Variants in AATF observed in about 807,000 individuals in gnomAD.
AATF encodes the protein protein AATF.
Under a neutral mutation model 63.7 loss-of-function variants are expected in AATF, and 48 were observed. The ratio of observed to expected loss-of-function variants is 0.75; its 90% CI spans 0.60 to 0.96. The LOEUF is 0.96. AATF is among the 40% of genes least tolerant of loss of function. The pLI, the probability that AATF is intolerant of heterozygous loss-of-function variation, is 0.00. For missense variants in AATF, 639 were observed against 685.7 expected (o/e 0.93, Z 0.76); for synonymous variants, 258 against 247.7 (o/e 1.04, Z -0.39).
chr17:36,955,005 T>A (rs956130866), intron 4 of AATF, among the ~76,000 whole-genome samples: 2 of 152,194 alleles, frequency 1.3e-5, no homozygotes, highest in Non-Finnish European at 2.9e-5. Context: ...TATCTATCTC[T>A]CTATATATAT....
chr17:36,953,970 A>G, intron 4 of AATF, 63 bp downstream of exon 4: 1 of 1,515,972 alleles, frequency 6.6e-7, no homozygotes. Context: ...GACAGCTTTG[A>G]TTGAAGTGGA....
At chr17:37,026,994 T>G (rs964332665) in intron 10 of AATF, among the ~76,000 whole-genome samples, 1 of 152,214 alleles carries the variant, frequency 6.6e-6, no homozygotes, top group Non-Finnish European at 1.5e-5. Flanking sequence ...GTGATAGGGT[T>G]GTATATGTAA....
At chr17:37,005,003 G>T (rs2071331327) in intron 8 of AATF, among the ~76,000 whole-genome samples, 1 of 152,184 alleles carries the variant, frequency 6.6e-6, no homozygotes, top group East Asian at 1.9e-4. Context: ...AGTTTTGTTT[G>T]TTTTGGTAAG....
intron 8 of AATF, among the ~76,000 whole-genome samples, chr17:37,006,601 C>T (rs1396046993): frequency 2.0e-5 from 3 of 152,236 alleles, no homozygotes; most frequent in African/African-American, 7.2e-5. Flanking sequence ...CTTCACTCAT[C>T]AGGGCCTAAT....
At chr17:37,040,578 T>G (rs1030963449) in intron 11 of AATF, among the ~76,000 whole-genome samples, 5 of 152,066 alleles carry the variant, frequency 3.3e-5, no homozygotes, top group African/African-American at 1.2e-4. Flanking sequence ...GTGGAACAGG[T>G]GTGTGCATCT....
chr17:36,974,379 T>A (rs920279575), intron 4 of AATF, among the ~76,000 whole-genome samples: 1 of 152,202 alleles, frequency 6.6e-6, no homozygotes, highest in African/African-American at 2.4e-5. Flanking sequence ...TTTAACCAGT[T>A]CTTTATTGTT....
intron 10 of AATF, chr17:37,031,362 T>C (rs2071550522): frequency 1.9e-6 from 1 of 532,960 alleles, no homozygotes; most frequent in African/African-American, 1.9e-5. Flanking sequence ...CCATTTTATA[T>C]AAGGAACTTG....
intron 8 of AATF, among the ~76,000 whole-genome samples, chr17:36,997,822 C>G (rs898693459): frequency 6.6e-6 from 1 of 152,190 alleles, no homozygotes; most frequent in African/African-American, 2.4e-5. Context: ...ATGGAGCCAA[C>G]CCAAATGCCC....
chr17:37,008,035 C>CTCTTATTTGTTACACA (rs1235513353), intron 8 of AATF, among the ~76,000 whole-genome samples: 2 of 152,258 alleles, frequency 1.3e-5, no homozygotes, highest in Admixed American at 6.5e-5. Context: ...TATCCTTTCA[C>CTCTTATTTGTTACACA]TCTTATTTGT....
chr17:36,996,927 C>T (rs932754997), intron 8 of AATF, among the ~76,000 whole-genome samples: 1 of 152,242 alleles, frequency 6.6e-6, no homozygotes, highest in East Asian at 1.9e-4. Flanking sequence ...AACCTCAGAA[C>T]GAAGCCTAAA....
intron 8 of AATF, among the ~76,000 whole-genome samples, chr17:37,002,915 T>TTG (rs2071312921): frequency 6.7e-6 from 1 of 149,710 alleles, no homozygotes; most frequent in Admixed American, 6.6e-5. Context: ...TTTTTTTTTT[T>TTG]TTTTTTTTTT....
chr17:37,013,732 C>T (rs954445754), intron 8 of AATF, among the ~76,000 whole-genome samples: 2 of 152,176 alleles, frequency 1.3e-5, no homozygotes, highest in Non-Finnish European at 2.9e-5. Flanking sequence ...GGACAAACAT[C>T]CCAACTATAG....
chr17:36,953,973 G>A (rs2070878712), intron 4 of AATF, 66 bp downstream of exon 4: 1 of 1,520,976 alleles, frequency 6.6e-7, no homozygotes, highest in Non-Finnish European at 8.9e-7. Context: ...AGCTTTGATT[G>A]AAGTGGACTG....
chr17:36,973,984 G>C (rs1433676030), intron 4 of AATF, among the ~76,000 whole-genome samples: 5 of 151,704 alleles, frequency 3.3e-5, no homozygotes, highest in Non-Finnish European at 1.5e-5. Flanking sequence ...CAGAAGAATC[G>C]CTTGAACCTG....
Position 36,948,997 on chromosome 17 carries a change from C to A in AATF, c.-129C>A. On this transcript the variant is annotated 5_prime_UTR_variant, in exon 1 of 12. Coordinates refer to ENST00000619387, the MANE Select transcript of AATF (RefSeq NM_012138.4). The stretch of plus-strand genomic sequence containing the variant: ...CGGTCCAGAGCTGTGGGGTGGCCTC[C>A]GCGCGGTCTCTGGCGGAGTCGGGGA... 4.5e-6 allele frequency: 4 copies of A among 889,214 alleles called. No homozygotes were observed. The South Asian group carries it at 4.9e-5, about 11-fold the overall frequency. 55.1% of individuals were successfully genotyped at this position (889,214 alleles called of 1,614,324 possible). A position where few individuals can be genotyped will look rare whatever the true frequency, so the allele number is the denominator to read the frequency against.
At chr17:37,002,997 G>GAAACA (rs149542649) in intron 8 of AATF, among the ~76,000 whole-genome samples, 17,914 of 148,088 alleles carry the variant, frequency 0.12, 1,285 homozygotes, top group Non-Finnish European at 0.16. Context: ...AATTATCTTG[G>GAAACA]AAACAAAACA....
chr17:37,031,811 G>A (rs2071554279), intron 11 of AATF, 126 bp downstream of exon 11: 1 of 781,796 alleles, frequency 1.3e-6, no homozygotes, highest in East Asian at 2.5e-5. Context: ...ATCGCAGTAA[G>A]GGTCACATCT....
chr17:37,012,811 G>C (rs1263244852), intron 8 of AATF, among the ~76,000 whole-genome samples: 1 of 152,118 alleles, frequency 6.6e-6, no homozygotes, highest in African/African-American at 2.4e-5. Flanking sequence ...GAATGAAGTT[G>C]GACCCCTACC....
rs575934875 is a variant in AATF at position 36,981,661 on chromosome 17, CTCTT to C, written c.833-4951_833-4948del. On this transcript the variant is annotated intron_variant, in intron 4 of 11. Transcript: ENST00000619387. ...TTTTTCTTCTTCTTCTTCTTTCTTC[CTCTT>C]TCTTCTTTCTTCTTTCTTCTTCTTC... Among the ~76,000 whole-genome samples the C allele has an allele frequency of 1.3e-4, 19 of 147,442 alleles. No individual in the cohort carries two copies. In the South Asian group the frequency reaches 4.1e-3, roughly 32 times the overall value.
Sources: allele counts gnomAD v4.1 joint callset (sites outside exome capture counted in the v4.1 genomes callset), GRCh38; gene constraint gnomAD v4.1.1; transcripts MANE v1.5; gene names NCBI Gene and HGNC (gene_info 2026-07-23, HGNC 2026-07-21).